Variants in OTOR observed in about 807,000 individuals in gnomAD.
OTOR encodes fibrocyte-derived protein.
OTOR carries 20 observed loss-of-function variants against 15.9 expected under a neutral mutation model. The observed-to-expected ratio is 1.26, with a 90% CI of 0.89 to 1.83. The LOEUF (loss-of-function observed/expected upper bound fraction) is 1.83. Ranked by LOEUF, OTOR falls within the 40% of genes most tolerant of loss-of-function variation. OTOR has a pLI of 0.00. For missense variants in OTOR, 184 were observed against 159.0 expected (o/e 1.16, Z -0.85); for synonymous variants, 53 against 54.2 (o/e 0.98, Z 0.09).
chr20:16,750,959 T>A, intron 3 of OTOR, 136 bp from the exon 4 acceptor site: 1 of 678,680 alleles, frequency 1.5e-6, no homozygotes, highest in South Asian at 1.8e-5. Flanking sequence ...ATATTTCATA[T>A]TTTTTGGGGG....
At position 16,748,992 on chromosome 20, in the gene OTOR, T is replaced by G. The variant is rs1336460409; in HGVS notation, c.241T>G (p.Phe81Val). 2 of 1,573,724 alleles carry G rather than the reference T, an allele frequency of 1.3e-6. 1 individual carries two copies. Among genetic ancestry groups the G allele is most frequent in the Non-Finnish European group, 1.7e-6 (2 of 1,167,510 alleles). Residue 81 changes from phenylalanine (F) to valine (V), a missense_variant, in exon 2 of 4, where the codon TTT becomes GTT. Coordinates refer to ENST00000246081, the MANE Select transcript of OTOR (RefSeq NM_020157.4). Reference protein sequence around the residue: ...KLVKENGAGEFWAGSVYGDGQ... With the variant: ...KLVKENGAGEVWAGSVYGDGQ... ...GGTAAAAGAAAATGGAGCTGGAGAA[T>G]TTTGGGCTGGCAGTGTAAGATAATT...
At chr20:16,749,727 G>T (rs1303033043) in intron 2 of OTOR, 176 bp from the exon 3 acceptor site, 3 of 582,590 alleles carry the variant, frequency 5.1e-6, no homozygotes, top group Non-Finnish European at 9.3e-6. Context: ...ATTCCTGCGG[G>T]TTAACTTAGT....
chr20:16,749,944 T>C lies in OTOR; in HGVS notation c.297T>C (p.Tyr99=), dbSNP rs2072517905. The change falls in exon 3 of 4, where the codon TAT becomes TAC. Residue 99 remains tyrosine (Y), a synonymous_variant. Coordinates refer to ENST00000246081, the MANE Select transcript of OTOR (RefSeq NM_020157.4). ...AGGACGAGATGGGAGTCGTGGGTTA[T>C]TTCCCCAGGAACTTGGTCAAGGAAC... ...DGQDEMGVVG[Y]FPRNLVKEQR... 11 of 1,613,784 alleles carry C rather than the reference T, an allele frequency of 6.8e-6. No homozygotes were observed. Among genetic ancestry groups the C allele is most frequent in the Non-Finnish European group, 9.3e-6 (11 of 1,179,878 alleles).
At position 16,751,109 on chromosome 20, in the gene OTOR, C is replaced by T; in HGVS notation, c.378C>T (p.Phe126=). The part of the protein sequence containing the change: ...KEVPTTDIDF[F]CE ...TTTTTTTCCAGGATATTGACTTCTT[C>T]TGCGAGTAATAAATTAGTTAAAACT... Residue 126 remains phenylalanine, a synonymous_variant, in exon 4 of 4, where the codon TTC becomes TTT. Coordinates refer to ENST00000246081, the MANE Select transcript of OTOR (RefSeq NM_020157.4). The T allele has an allele frequency of 6.5e-7, 1 of 1,545,374 alleles. No individual in the cohort carries two copies. Among genetic ancestry groups the T allele is most frequent in the Non-Finnish European group, 8.8e-7 (1 of 1,141,442 alleles).
chr20:16,748,751 ATGAACT>A, intron 1 of OTOR, 110 bp from the exon 2 acceptor site: 1 of 822,352 alleles, frequency 1.2e-6, no homozygotes, highest in Non-Finnish European at 1.8e-6. Flanking sequence ...GACACCAGCT[ATGAACT>A]GGGAATTATC....
Position 16,751,318 on chromosome 20 carries a change from T to C in OTOR, c.*200T>C, listed in dbSNP as rs1174076202. ...AATCTTGTTTCCTGCTGGCCTGGTC[T>C]GCCCACGAGCTAGAGCGGGGAAATG... is the stretch of plus-strand genomic sequence containing the variant. On this transcript the variant is annotated 3_prime_UTR_variant, in exon 4 of 4. Coordinates refer to ENST00000246081, the MANE Select transcript of OTOR (RefSeq NM_020157.4). 1.8e-6 allele frequency: 1 copy of C among 546,408 alleles called. No homozygotes were observed. Among genetic ancestry groups the C allele is most frequent in the Non-Finnish European group, 3.2e-6 (1 of 312,492 alleles). 33.8% of individuals were successfully genotyped at this position (546,408 alleles called of 1,614,324 possible). A position where few individuals can be genotyped will look rare whatever the true frequency, so the allele number is the denominator to read the frequency against.
chr20:16,750,071 T>TA (rs2072519814), intron 3 of OTOR, 61 bp downstream of exon 3: 8 of 1,065,002 alleles, frequency 7.5e-6, no homozygotes, highest in Admixed American at 1.9e-5. Context: ...AGGCCGGTGT[T>TA]AAAAATGCAT....
At chr20:16,750,992 C>A in intron 3 of OTOR, 103 bp from the exon 4 acceptor site, 1 of 899,460 alleles carries the variant, frequency 1.1e-6, no homozygotes, top group Non-Finnish European at 1.7e-6. Flanking sequence ...TACTTTAAAT[C>A]CAAATTTCTC....
rs572230258 is a variant in OTOR, at chr20:16,751,911, A to T, written c.*793A>T. 44 of 152,258 alleles carry T rather than the reference A, an allele frequency of 2.9e-4. No individual in the cohort carries two copies. The South Asian group carries it at 7.9e-3, about 27-fold the overall frequency. The allele number at this position is 152,258 out of a possible 1,614,324, so 9.4% of individuals were successfully genotyped here. A position where few individuals can be genotyped will look rare whatever the true frequency, so the allele number is the denominator to read the frequency against. On this transcript the variant is annotated 3_prime_UTR_variant, in exon 4 of 4. Transcript: ENST00000246081. ...AAGTCATCAAAAGACCCAGAAAAAA[A>T]AAAGTCTGTAGGTTATTTTCTCTAC...
In OTOR at chr20:16,750,010, G is replaced by A. The variant is rs1268273998; in HGVS notation, c.363G>A (p.Thr121=). ...YQEATKEVPT[T]DIDFFCE Reference sequence around the variant, plus strand: ...AAGCTACCAAGGAAGTTCCCACCACGGTAAGCATCTCAAAAGTGACTAGAC... The same window carrying A: ...AAGCTACCAAGGAAGTTCCCACCACAGTAAGCATCTCAAAAGTGACTAGAC... The change falls in exon 3 of 4, where the codon ACG becomes ACA. Residue 121 remains threonine, a splice_region_variant and synonymous_variant. Transcript: ENST00000246081. 14 of 1,595,788 alleles carry A rather than the reference G, an allele frequency of 8.8e-6. No homozygotes were observed. The highest frequency in any genetic ancestry group is 1.7e-4 in the Middle Eastern group (1 of 6,032).
chr20:16,748,367 C>T lies in OTOR; in HGVS notation c.-35C>T, dbSNP rs765448209. On this transcript the variant is annotated 5_prime_UTR_variant, in exon 1 of 4. Transcript: ENST00000246081. ...AACCACTGAAGTCAGTCCCCGCTTCCAGTCAGAGTTCAAGTTAAAACAGAA... is the reference window on the plus strand; with the variant it reads ...AACCACTGAAGTCAGTCCCCGCTTCTAGTCAGAGTTCAAGTTAAAACAGAA... The T allele has an allele frequency of 1.3e-5, 18 of 1,403,122 alleles. No individual in the cohort carries two copies. The highest frequency in any genetic ancestry group is 4.6e-5 in the East Asian group (2 of 43,828). The allele number at this position is 1,403,122 out of a possible 1,614,324, so 86.9% of individuals were successfully genotyped here.
chr20:16,749,144 T>A, intron 2 of OTOR, 138 bp downstream of exon 2: 1 of 482,738 alleles, frequency 2.1e-6, no homozygotes, highest in Non-Finnish European at 3.4e-6. Context: ...AAAATTCAGG[T>A]ATATTTGCTA....
chr20:16,749,109 T>C (rs1600230511), intron 2 of OTOR, 103 bp downstream of exon 2: 1 of 707,568 alleles, frequency 1.4e-6, no homozygotes, highest in Non-Finnish European at 2.1e-6. Flanking sequence ...TTAAGAACCA[T>C]GTAGTGATTG....
intron 3 of OTOR, among the ~76,000 whole-genome samples, 198 bp downstream of exon 3, chr20:16,750,208 A>G (rs1341138142): frequency 1.3e-5 from 2 of 152,142 alleles, no homozygotes; most frequent in Admixed American, 1.3e-4. Flanking sequence ...CTTTCTCTAT[A>G]CCACCCCCTT....
rs2072530117 is a variant in OTOR, at chr20:16,751,715, T to A, written c.*597T>A. 6.6e-6 allele frequency: 1 copy of A among 152,146 alleles called. No homozygotes were observed. Among genetic ancestry groups the A allele is most frequent in the Non-Finnish European group, 1.5e-5 (1 of 68,014 alleles). 9.4% of individuals were successfully genotyped at this position (152,146 alleles called of 1,614,324 possible). On this transcript the variant is annotated 3_prime_UTR_variant, in exon 4 of 4. Transcript: ENST00000246081. Reference sequence around the variant, plus strand: ...GTCTCTAATTTGTCATTTAGAAAAATCTCAAAAATGATTTCAGTTGAATAA... The same window carrying A: ...GTCTCTAATTTGTCATTTAGAAAAAACTCAAAAATGATTTCAGTTGAATAA...
At chr20:16,749,808 A>G (rs954576004) in intron 2 of OTOR, 95 bp from the exon 3 acceptor site, 5 of 824,080 alleles carry the variant, frequency 6.1e-6, no homozygotes, top group African/African-American at 5.1e-5. Context: ...ATTGGCAGCT[A>G]TGATTCTCAC....
Position 16,749,992 on chromosome 20 carries a change from CAAGGAAGTTCCCACCACG to C in OTOR, c.346_363del (p.Lys116_Thr121del), listed in dbSNP as rs1568759299. The C allele has an allele frequency of 6.2e-7, 1 of 1,610,984 alleles. No individual in the cohort carries two copies. The highest frequency in any genetic ancestry group is 8.5e-7 in the Non-Finnish European group (1 of 1,177,464). ...AACAGCGTGTGTACCAGGAAGCTAC[CAAGGAAGTTCCCACCACG>C]GTAAGCATCTCAAAAGTGACTAGAC... On this transcript the variant is annotated inframe_deletion and splice_region_variant, in exon 3 of 4. Transcript: ENST00000246081.
At chr20:16,750,105 A>C (rs952554236) in intron 3 of OTOR, 95 bp downstream of exon 3, 1 of 776,886 alleles carries the variant, frequency 1.3e-6, no homozygotes, top group Non-Finnish European at 2.1e-6. Context: ...AGTTGTATAG[A>C]ACAAAGCCTC....
Position 16,751,467 on chromosome 20 carries a change from C to T in OTOR, c.*349C>T. 1 of 208,878 alleles carries T rather than the reference C, an allele frequency of 4.8e-6. No individual in the cohort carries two copies. The highest frequency in any genetic ancestry group is 9.4e-6 in the Non-Finnish European group (1 of 106,126). The allele number at this position is 208,878 out of a possible 1,614,324, so 12.9% of individuals were successfully genotyped here. A position where few individuals can be genotyped will look rare whatever the true frequency, so the allele number is the denominator to read the frequency against. Reference sequence around the variant, plus strand: ...GTTATTTCTAAGTAGTAATTCTTCCCAGCTCTTTGATTTGCCATATATAAA... The same window carrying T: ...GTTATTTCTAAGTAGTAATTCTTCCTAGCTCTTTGATTTGCCATATATAAA... On this transcript the variant is annotated 3_prime_UTR_variant, in exon 4 of 4. Transcript: ENST00000246081.
Sources: gnomAD v4.1 joint callset for allele counts (sites outside exome capture counted in the v4.1 genomes callset) on GRCh38, gnomAD v4.1.1 for gene constraint, MANE v1.5 for transcripts, NCBI Gene and HGNC (gene_info 2026-07-23, HGNC 2026-07-21) for gene names.